The following PLB1 variants were observed in gnomAD, a reference collection of about 807,000 sequenced individuals.
PLB1 encodes phospholipase B1, membrane-associated.
In PLB1, 242 loss-of-function variants were observed where a neutral mutation model predicts 227.4. The ratio of observed to expected loss-of-function variants is 1.06; its 90% confidence interval spans 0.96 to 1.18. PLB1 has a LOEUF of 1.18. Ranked by LOEUF, PLB1 falls within the 50% of genes most tolerant of loss-of-function variation. The pLI is 0.00. For synonymous variants in PLB1, 757 were observed against 682.2 expected, an observed-to-expected ratio of 1.11 and a Z score of -1.71; for missense variants, 1,858 against 1,816.3, an observed-to-expected ratio of 1.02 and a Z score of -0.42.
chr2:28,544,092 T>C (rs536609705), intron 14 of PLB1, among the ~76,000 whole-genome samples: 15 of 152,326 alleles, frequency 9.8e-5, no homozygotes, highest in African/African-American at 3.1e-4. Flanking sequence ...CATACTGTGT[T>C]GAGTACCAGG....
chr2:28,542,156 A>G (rs1208358885), intron 13 of PLB1, among the ~76,000 whole-genome samples: 2 of 149,506 alleles, frequency 1.3e-5, no homozygotes, highest in East Asian at 2.0e-4. Flanking sequence ...AAAAGTGTGA[A>G]GAGTGTGGTG....
intron 2 of PLB1, 28 bp from the exon 3 acceptor site, chr2:28,518,438 T>C: frequency 6.4e-7 from 1 of 1,552,550 alleles, no homozygotes; most frequent in South Asian, 1.1e-5. Context: ...AGGCAGTTGA[T>C]GTTTCTGATG....
At chr2:28,517,968 G>A (rs954107210) in intron 2 of PLB1, among the ~76,000 whole-genome samples, 5 of 150,650 alleles carry the variant, frequency 3.3e-5, no homozygotes, top group South Asian at 2.1e-4. Flanking sequence ...TTCGCCTCCC[G>A]GTTCAAGTGA....
Position 28,625,125 on chromosome 2 carries a change from A to G in PLB1, c.3579+17A>G. ...AACAGCCCCGTGAGTACAGGCCCCC[A>G]GGCCACCCCTGAAAGGTGCCCATCT... On this transcript the variant is annotated intron_variant, in intron 50 of 57. Coordinates refer to ENST00000327757, the MANE Select transcript of PLB1 (RefSeq NM_153021.5). The G allele has an allele frequency of 6.2e-7, 1 of 1,608,502 alleles. No individual in the cohort carries two copies. Among genetic ancestry groups the G allele is most frequent in the Non-Finnish European group, 8.5e-7 (1 of 1,176,760 alleles).
At chr2:28,584,472 A>T (rs2148274679) in intron 25 of PLB1, among the ~76,000 whole-genome samples, 1 of 152,306 alleles carries the variant, frequency 6.6e-6, no homozygotes, top group East Asian at 1.9e-4. Context: ...CACACAGGGG[A>T]TCGGTGTCTT....
In PLB1 at chr2:28,620,884, C is replaced by A; in HGVS notation, c.3433C>A (p.Leu1145Met). The change falls in exon 49 of 58, where the codon CTG becomes ATG. Residue 1145 changes from leucine (L) to methionine (M), a missense_variant. Transcript: ENST00000327757. ...CTCCTCCTCCTCCTCTAAAGACATT[C>A]TGAAGAAGTTCAACCCTTACCTCCT... is the stretch of plus-strand genomic sequence containing the variant. ...LETHTTLPNI[L>M]KKFNPYLLGF... is the part of the protein sequence containing the mutation. The A allele has an allele frequency of 1.2e-6, 2 of 1,613,338 alleles. No homozygotes were observed. The highest frequency in any genetic ancestry group is 1.7e-6 in the Non-Finnish European group (2 of 1,179,404).
intron 43 of PLB1, 44 bp from the exon 44 acceptor site, chr2:28,613,987 C>T (rs1195059809): frequency 6.6e-7 from 1 of 1,517,382 alleles, no homozygotes; most frequent in Non-Finnish European, 9.2e-7. Flanking sequence ...AAGCAAACTT[C>T]AGTGCTGTCA....
intron 12 of PLB1, among the ~76,000 whole-genome samples, chr2:28,541,045 C>T (rs1421931645): frequency 6.6e-6 from 1 of 152,134 alleles, no homozygotes; most frequent in Non-Finnish European, 1.5e-5. Flanking sequence ...GTAGCATGCA[C>T]CTACAGTCCC....
Position 28,570,384 on chromosome 2 carries a change from T to C in PLB1, c.1325-2813T>C, listed in dbSNP as rs1677803356. Among the ~76,000 whole-genome samples, 2 of 152,194 alleles carry C rather than the reference T, an allele frequency of 1.3e-5. 1 individual carries two copies. The highest frequency in any genetic ancestry group is 2.9e-5 in the Non-Finnish European group (2 of 68,040). ...AGTTTTCAACCTCAAAATCAATTAA[T>C]GTAATATTCTATGTCAATAGGATAA... On this transcript the variant is annotated intron_variant, in intron 20 of 57. Transcript: ENST00000327757.
chr2:28,500,797 T>C (rs889330343), intron 1 of PLB1, among the ~76,000 whole-genome samples: 13 of 152,168 alleles, frequency 8.5e-5, no homozygotes, highest in African/African-American at 3.1e-4. Context: ...CTCTTATTAA[T>C]CTGTGTGTTG....
intron 14 of PLB1, chr2:28,548,427 C>T (rs1673636138): frequency 2.7e-6 from 1 of 374,942 alleles, no homozygotes; most frequent in Non-Finnish European, 5.8e-6. Flanking sequence ...ATAACCGGCC[C>T]CCACGTGATC....
intron 24 of PLB1, 46 bp from the exon 25 acceptor site, chr2:28,582,359 G>C: frequency 6.4e-7 from 1 of 1,554,614 alleles, no homozygotes; most frequent in Non-Finnish European, 8.8e-7. Context: ...GAGGTGAAAG[G>C]CTGCCCAGCC....
At chr2:28,638,692 GAAAAAATCAGCGTGGGAGGAA>G (rs1689643210) in intron 56 of PLB1, among the ~76,000 whole-genome samples, 1 of 151,404 alleles carries the variant, frequency 6.6e-6, no homozygotes, top group Non-Finnish European at 1.5e-5. Context: ...AGCAGGTAGA[GAAAAAATCAGCGTGGGAGGAA>G]AAAAAATCAA....
chr2:28,605,788 A>G lies in PLB1; in HGVS notation c.2962-65A>G, dbSNP rs945693484. 5.1e-5 allele frequency: 70 copies of G among 1,368,132 alleles called. No homozygotes were observed. The South Asian group carries it at 7.0e-4, about 14-fold the overall frequency. 84.7% of individuals were successfully genotyped at this position (1,368,132 alleles called of 1,614,324 possible). On this transcript the variant is annotated intron_variant, in intron 41 of 57. Coordinates refer to ENST00000327757, the MANE Select transcript of PLB1 (RefSeq NM_153021.5). ...TGTTGAGTGGTCAGTCCCAGGGCCA[A>G]GTCCGCTGGTGGTGGCTCCCTCTGA...
chr2:28,566,689 C>A lies in PLB1; in HGVS notation c.1281-107C>A, dbSNP rs563210359. 29 of 1,258,930 alleles carry A rather than the reference C, an allele frequency of 2.3e-5. No homozygotes were observed. The South Asian group carries it at 2.5e-4, about 11-fold the overall frequency. The allele number at this position is 1,258,930 out of a possible 1,614,324, so 78.0% of individuals were successfully genotyped here. A position where few individuals can be genotyped will look rare whatever the true frequency, so the allele number is the denominator to read the frequency against. On this transcript the variant is annotated intron_variant, in intron 19 of 57. Coordinates refer to ENST00000327757, the MANE Select transcript of PLB1 (RefSeq NM_153021.5). ...TGATGGGGAAAGTGCAAGCTCCAGG[C>A]CCCCGGGCTGTTTCTCGGGAGACGG... is the stretch of plus-strand genomic sequence containing the variant.
chr2:28,585,275 C>CTT (rs368423519), intron 25 of PLB1, among the ~76,000 whole-genome samples: 2 of 145,086 alleles, frequency 1.4e-5, no homozygotes, highest in Non-Finnish European at 1.5e-5. Flanking sequence ...AGGAATTTTT[C>CTT]TTTTTTTTTT....
chr2:28,568,902 C>A (rs961072088), intron 20 of PLB1, among the ~76,000 whole-genome samples: 1 of 152,216 alleles, frequency 6.6e-6, no homozygotes, highest in African/African-American at 2.4e-5. Context: ...TGCTAAGTAG[C>A]TGGGTAGACT....
intron 9 of PLB1, among the ~76,000 whole-genome samples, chr2:28,535,561 G>A (rs994191624): frequency 1.3e-5 from 2 of 152,164 alleles, no homozygotes; most frequent in African/African-American, 4.8e-5. Flanking sequence ...AAGTTCTTAC[G>A]TGGCATTTTT....
At chr2:28,601,155 G>T in intron 36 of PLB1, 97 bp from the exon 37 acceptor site, 1 of 1,032,592 alleles carries the variant, frequency 9.7e-7, no homozygotes, top group Non-Finnish European at 1.5e-6. Flanking sequence ...ATTTCAAGTG[G>T]GCAAGGATGT....
Sources: allele counts gnomAD v4.1 joint callset (sites outside exome capture counted in the v4.1 genomes callset), GRCh38; gene constraint gnomAD v4.1.1; transcripts MANE v1.5; gene names NCBI Gene and HGNC (gene_info 2026-07-23, HGNC 2026-07-21).